Variants in ESPN observed in about 807,000 individuals in gnomAD.
ESPN encodes espin.
Under a neutral mutation model 77.7 loss-of-function variants are expected in ESPN, and 68 were observed. That is an observed-to-expected ratio of 0.87 (90% confidence interval 0.72 to 1.07). ESPN has a LOEUF of 1.07. Among genes scored for constraint, ESPN ranks in the 50% least tolerant of loss-of-function variants. ESPN has a pLI of 0.00. For synonymous variants in ESPN, 449 were observed against 567.1 expected, an observed-to-expected ratio of 0.79 and a Z score of 2.96; for missense variants, 1,060 against 1,239.0, an observed-to-expected ratio of 0.86 and a Z score of 2.17.
At position 6,450,562 on chromosome 1, in the gene ESPN, G is replaced by A; in HGVS notation, c.1916-1041G>A. ...AGCAAGGCAGAAGGGGCCCAGACTT[G>A]AGGAAAGGGCAGGGGCAGGGGCTGG... On this transcript the variant is annotated intron_variant, in intron 8 of 12. Transcript: ENST00000645284. The surrounding 1 kb of genome is among the most constrained non-coding windows in gnomAD (Gnocchi z 4.3). 1.5e-5 allele frequency: 10 copies of A among 653,152 alleles called. No homozygotes were observed. The highest frequency in any genetic ancestry group is 1.9e-5 in the Non-Finnish European group (10 of 526,116). The allele number at this position is 653,152 out of a possible 1,614,324, so 40.5% of individuals were successfully genotyped here.
intron 2 of ESPN, among the ~76,000 whole-genome samples, chr1:6,429,240 GT>G (rs1222678263): frequency 6.6e-6 from 1 of 152,052 alleles, no homozygotes; most frequent in Non-Finnish European, 1.5e-5. Flanking sequence ...GCTCTGATGG[GT>G]GACCCTCATT....
At chr1:6,456,381 C>T in intron 10 of ESPN, 1 of 376,380 alleles carries the variant, frequency 2.7e-6, no homozygotes, top group Non-Finnish European at 4.7e-6. Flanking sequence ...GGCTGTGGGG[C>T]GTTGGTCGGA....
chr1:6,439,964 G>C (rs1422409936), intron 2 of ESPN, among the ~76,000 whole-genome samples: 10 of 152,052 alleles, frequency 6.6e-5, no homozygotes, highest in African/African-American at 2.4e-4. Context: ...AGCCAAGATC[G>C]AGCCACTGCA....
chr1:6,460,106 G>A lies in ESPN; in HGVS notation c.2525G>A (p.Arg842Gln), dbSNP rs761979450. 14 of 1,613,144 alleles carry A rather than the reference G, an allele frequency of 8.7e-6. No homozygotes were observed. The highest frequency in any genetic ancestry group is 1.3e-5 in the African/African-American group (1 of 75,016). The stretch of plus-strand genomic sequence containing the variant: ...GAGAGCAAGCTGGCGCCCTGGCAGC[G>A]ACAGGTCATCCTGAAGAAGGGGGAC... ...YDESKLAPWQ[R>Q]QVILKKGDIA... The change falls in exon 13 of 13, where the codon CGA becomes CAA. Residue 842 changes from arginine (R) to glutamine (Q), a missense_variant. Arg to Gln is a conservative substitution (Grantham distance 43). Transcript: ENST00000645284.
At chr1:6,425,329 A>G in intron 1 of ESPN, 80 bp downstream of exon 1, 1 of 1,501,102 alleles carries the variant, frequency 6.7e-7, no homozygotes, top group Non-Finnish European at 8.9e-7. Context: ...CCGGGGCTCA[A>G]GGATGGGTGG....
chr1:6,426,400 A>T (rs778138125), intron 1 of ESPN, among the ~76,000 whole-genome samples: 7 of 151,178 alleles, frequency 4.6e-5, no homozygotes, highest in Non-Finnish European at 1.0e-4. Context: ...AGTGCAGAGG[A>T]GCTGGGAGAA....
chr1:6,448,792 A>T lies in ESPN; in HGVS notation c.1616A>T (p.His539Leu). ...CTGGCCGCACGCCCGGGCATGGCGC[A>T]CAGCGAGGAGGTGCGTGCCCGCCAG... is the stretch of plus-strand genomic sequence containing the variant. ...ETLAARPGMA[H>L]SEEVRARQPA... is the part of the protein sequence containing the mutation. The change falls in exon 8 of 13, where the codon CAC becomes CTC. Residue 539 changes from histidine (H) to leucine (L), a missense_variant. Around this residue, in one of 3 missense-constraint regions of ESPN, gnomAD observed 130 missense variants for 223.9 expected, o/e 0.58. Coordinates refer to ENST00000645284, the MANE Select transcript of ESPN (RefSeq NM_031475.3). The T allele has an allele frequency of 5.0e-6, 7 of 1,396,724 alleles. No individual in the cohort carries two copies. The highest frequency in any genetic ancestry group is 6.5e-6 in the Non-Finnish European group (7 of 1,078,354). 86.5% of individuals were successfully genotyped at this position (1,396,724 alleles called of 1,614,324 possible).
chr1:6,450,939 C>T lies in ESPN; in HGVS notation c.1916-664C>T, dbSNP rs1256882256. Among the ~76,000 whole-genome samples, 3 of 152,206 alleles carry T rather than the reference C, an allele frequency of 2.0e-5. No homozygotes were observed. Among genetic ancestry groups the T allele is most frequent in the Non-Finnish European group, 4.4e-5 (3 of 68,046 alleles). On this transcript the variant is annotated intron_variant, in intron 8 of 12. Transcript: ENST00000645284. The surrounding 1 kb of genome is among the most constrained non-coding windows in gnomAD (Gnocchi z 4.3). ...CTGCCCTGGGTGTTTCCATATTATC[C>T]GCCTGCCCTTCCTCCTGGGTGCCTC...
chr1:6,460,017 G>C lies in ESPN; in HGVS notation c.2436G>C (p.Gln812His), dbSNP rs1198324210. ...GCCTCAGGAAAGAGGAGGAGCGACAGAAGCAGGAGGAGCTGCGGCGGGAGA... is the reference window on the plus strand; with the variant it reads ...GCCTCAGGAAAGAGGAGGAGCGACACAAGCAGGAGGAGCTGCGGCGGGAGA... ...REQKRKEEER[Q>H]KQEELRREKE... Residue 812 changes from glutamine (Q) to histidine (H), a missense_variant, in exon 13 of 13, where the codon CAG becomes CAC. This residue lies in a region of ESPN where 374 missense variants were observed against 381.4 expected (regional missense o/e 0.98). Coordinates refer to ENST00000645284, the MANE Select transcript of ESPN (RefSeq NM_031475.3). The C allele has an allele frequency of 6.2e-7, 1 of 1,613,718 alleles. No individual in the cohort carries two copies. Among genetic ancestry groups the C allele is most frequent in the East Asian group, 2.2e-5 (1 of 44,886 alleles).
chr1:6,438,760 G>A (rs560711802), intron 2 of ESPN, among the ~76,000 whole-genome samples: 27 of 152,384 alleles, frequency 1.8e-4, no homozygotes, highest in African/African-American at 6.5e-4. Flanking sequence ...ACTGAATTCT[G>A]ATTCTGGCAG....
chr1:6,435,145 G>A (rs185719097), intron 2 of ESPN, among the ~76,000 whole-genome samples: 85 of 152,106 alleles, frequency 5.6e-4, no homozygotes, highest in Admixed American at 1.6e-3. Context: ...AACATAGGCC[G>A]GGAAGTTTGA....
chr1:6,442,665 C>G (rs1421475872), intron 5 of ESPN, among the ~76,000 whole-genome samples: 3 of 150,468 alleles, frequency 2.0e-5, no homozygotes, highest in East Asian at 2.0e-4. Flanking sequence ...GTCAAGAGAT[C>G]GAGACCATTC....
At chr1:6,432,556 G>C (rs1226336924) in intron 2 of ESPN, among the ~76,000 whole-genome samples, 1 of 152,198 alleles carries the variant, frequency 6.6e-6, no homozygotes, top group Admixed American at 6.5e-5. Context: ...TCGTCTAACC[G>C]GGGCTAGTGC....
chr1:6,428,690 G>A lies in ESPN; in HGVS notation c.488+271G>A, dbSNP rs997730576. On this transcript the variant is annotated intron_variant, in intron 2 of 12. Transcript: ENST00000645284. The surrounding 1 kb of genome is among the most constrained non-coding windows in gnomAD (Gnocchi z 5.4). ...GGCCGCACACAGCTGGACCTGGGAG[G>A]CTGGGCACACAGGCCAAGGTCACCT... 6.6e-6 allele frequency among the ~76,000 whole-genome samples: 1 copy of A among 152,206 alleles called. No homozygotes were observed. The highest frequency in any genetic ancestry group is 1.5e-5 in the Non-Finnish European group (1 of 68,034).
chr1:6,440,110 G>A (rs1464556365), intron 2 of ESPN, 144 bp from the exon 3 acceptor site: 5 of 877,992 alleles, frequency 5.7e-6, no homozygotes, highest in East Asian at 2.7e-5. Flanking sequence ...GGAGCCCCCC[G>A]GGCAGCAGCG....
intron 2 of ESPN, among the ~76,000 whole-genome samples, chr1:6,439,900 T>C (rs1643556672): frequency 6.6e-6 from 1 of 152,028 alleles, no homozygotes; most frequent in Admixed American, 6.5e-5. Flanking sequence ...TCCCAGCTAC[T>C]CAGGAGGCTG....
intron 2 of ESPN, among the ~76,000 whole-genome samples, chr1:6,433,908 G>A (rs1557697008): frequency 6.6e-6 from 1 of 152,112 alleles, no homozygotes. Flanking sequence ...CTTGTTCCCT[G>A]CTGCCCTTTT....
intron 2 of ESPN, among the ~76,000 whole-genome samples, chr1:6,429,635 A>G (rs1177590389): frequency 2.0e-5 from 3 of 152,184 alleles, no homozygotes; most frequent in Non-Finnish European, 4.4e-5. Context: ...CCAAGTGTGA[A>G]CTGGAGGACG....
chr1:6,430,681 G>A (rs549486166), intron 2 of ESPN, among the ~76,000 whole-genome samples: 18 of 152,080 alleles, frequency 1.2e-4, no homozygotes, highest in Non-Finnish European at 2.2e-4. Flanking sequence ...TGAGGCAGGA[G>A]AATCGCTTGA....
Sources: allele counts gnomAD v4.1 joint callset (sites outside exome capture counted in the v4.1 genomes callset), GRCh38; gene constraint gnomAD v4.1.1; regional missense constraint gnomAD v4.1.1; non-coding constraint Gnocchi (gnomAD v3.1); transcripts MANE v1.5; gene names NCBI Gene and HGNC (gene_info 2026-07-23, HGNC 2026-07-21).